The following MTAP variants were observed in gnomAD, a reference collection of about 807,000 sequenced individuals.
The protein encoded by MTAP is S-methyl-5'-thioadenosine phosphorylase.
In MTAP, 33 loss-of-function variants were observed where a neutral mutation model predicts 33.6. The ratio of observed to expected loss-of-function variants is 0.98; its 90% confidence interval spans 0.74 to 1.31. The LOEUF (loss-of-function observed/expected upper bound fraction) is 1.31, where lower values mean the gene tolerates loss of function less well. MTAP is among the 40% of genes most tolerant of loss of function. The pLI is 0.00. For missense variants in MTAP, 367 were observed against 360.0 expected (o/e 1.02, Z -0.16); for synonymous variants, 148 against 125.7 (o/e 1.18, Z -1.19).
chr9:21,869,521 A>G (rs1001877265), downstream of MTAP, among the ~76,000 whole-genome samples: 2 of 152,070 alleles, frequency 1.3e-5, no homozygotes, highest in Non-Finnish European at 2.9e-5. Flanking sequence ...TGCCTGCCCT[A>G]GAGCTCAATC....
intron 1 of MTAP, among the ~76,000 whole-genome samples, chr9:21,919,484 A>G (rs1818750880): frequency 2.0e-5 from 3 of 152,254 alleles, no homozygotes; most frequent in Admixed American, 6.5e-5. Flanking sequence ...AGGTTAAGAG[A>G]AGATATTTGT....
At chr9:21,882,525 A>G (rs1818031695) in intron 1 of MTAP, among the ~76,000 whole-genome samples, 1 of 152,100 alleles carries the variant, frequency 6.6e-6, no homozygotes. Context: ...GAAATTTACA[A>G]AAACTACAGT....
intron 1 of MTAP, chr9:21,803,034 A>ACACACACC (rs1587187341): frequency 3.9e-6 from 4 of 1,021,358 alleles, no homozygotes; most frequent in African/African-American, 1.8e-5. Flanking sequence ...ACACACACAC[A>ACACACACC]CACCACCTTT....
At chr9:21,829,797 C>G (rs1199542823) in intron 4 of MTAP, among the ~76,000 whole-genome samples, 3 of 152,194 alleles carry the variant, frequency 2.0e-5, no homozygotes, top group Non-Finnish European at 4.4e-5. Flanking sequence ...TTAAGAAAGA[C>G]ATGTGGCTGA....
intron 1 of MTAP, chr9:21,930,958 T>A: frequency 1.4e-6 from 1 of 721,824 alleles, no homozygotes; most frequent in Non-Finnish European, 2.5e-6. Context: ...TTTCAGTCCA[T>A]GTCTTCAAAA....
rs138984297 is a variant in MTAP, at chr9:21,923,002, T to C, written c.148-8006T>C. The stretch of plus-strand genomic sequence containing the variant: ...TATTCTCCTGTTTTCTCTGTGTGTG[T>C]TCTGAAACGGCCTTGTGTGCCCACC... On this transcript the variant is annotated intron_variant, in intron 1 of 1. Transcript: ENST00000577563. Among the ~76,000 whole-genome samples the C allele has an allele frequency of 8.2e-3, 1,245 of 152,352 alleles. 16 individuals are homozygous for C. The highest frequency in any genetic ancestry group is 0.039 in the South Asian group (190 of 4,828).
chr9:21,809,804 G>A (rs1824300280), intron 1 of MTAP, among the ~76,000 whole-genome samples: 2 of 152,206 alleles, frequency 1.3e-5, no homozygotes, highest in South Asian at 2.1e-4. Context: ...TAGAGAAGGG[G>A]AATGTCCTAG....
chr9:21,859,301 A>G lies in MTAP; in HGVS notation c.691-2A>G. ...TAACCTCCAGTGCTATTGTTTCTCTAGGTTTCGGTGGACCGGGTCTTAAAG... is the reference window on the plus strand; with the variant it reads ...TAACCTCCAGTGCTATTGTTTCTCTGGGTTTCGGTGGACCGGGTCTTAAAG... On this transcript the variant is annotated splice_acceptor_variant, in intron 6 of 7. Coordinates refer to ENST00000644715, the MANE Select transcript of MTAP (RefSeq NM_002451.4). LOFTEE classifies it high-confidence loss of function. 1.2e-6 allele frequency: 2 copies of G among 1,605,058 alleles called. No individual in the cohort carries two copies. Among genetic ancestry groups the G allele is most frequent in the South Asian group, 2.2e-5 (2 of 89,448 alleles).
intron 1 of MTAP, among the ~76,000 whole-genome samples, chr9:21,803,859 A>T (rs59990401): frequency 0.12 from 18,187 of 152,192 alleles, 1,873 homozygotes; most frequent in African/African-American, 0.26. Context: ...GTCAGTGTGT[A>T]ATCAGCCAGA....
At chr9:21,933,354 C>T (rs2131051959), downstream of MTAP, 1 of 152,308 alleles carries the variant, frequency 6.6e-6, no homozygotes, top group East Asian at 1.9e-4. Flanking sequence ...TGTCTCTCTG[C>T]ATCAGGAAGA....
At chr9:21,853,277 G>C (rs7030647) in intron 5 of MTAP, among the ~76,000 whole-genome samples, 321 of 151,742 alleles carry the variant, frequency 2.1e-3, no homozygotes, top group African/African-American at 7.6e-3. Flanking sequence ...GAGTGGGCTT[G>C]TTATGTCTTA....
chr9:21,893,611 A>C (rs1043288528), intron 1 of MTAP: 1 of 152,174 alleles, frequency 6.6e-6, no homozygotes, highest in African/African-American at 2.4e-5. Context: ...CTCAAAGACT[A>C]AATGAACACT....
At chr9:21,918,053 C>CATA (rs1818719048) in intron 1 of MTAP, among the ~76,000 whole-genome samples, 1 of 151,390 alleles carries the variant, frequency 6.6e-6, no homozygotes, top group Non-Finnish European at 1.5e-5. Context: ...GATGCAAAGG[C>CATA]ATAAGAGTGA....
intron 1 of MTAP, chr9:21,893,342 T>C (rs1327303732): frequency 6.6e-6 from 1 of 152,058 alleles, no homozygotes; most frequent in East Asian, 1.9e-4. Context: ...CAAGAGGATG[T>C]AGAAAAACAA....
At chr9:21,816,323 A>T (rs1322878080) in intron 2 of MTAP, among the ~76,000 whole-genome samples, 1 of 152,186 alleles carries the variant, frequency 6.6e-6, no homozygotes, top group Admixed American at 6.5e-5. Flanking sequence ...AGACATTTCC[A>T]GTGCTGAATT....
chr9:21,909,588 G>A (rs1037291800), intron 1 of MTAP, among the ~76,000 whole-genome samples: 2 of 152,200 alleles, frequency 1.3e-5, no homozygotes, highest in East Asian at 3.9e-4. Flanking sequence ...TGAATTTGTT[G>A]TGTAAGAGGC....
chr9:21,889,799 G>A (rs1167891668), intron 1 of MTAP, among the ~76,000 whole-genome samples: 1 of 152,188 alleles, frequency 6.6e-6, no homozygotes, highest in East Asian at 1.9e-4. Flanking sequence ...GGAGGTAGCA[G>A]GGGAGTGAAG....
At chr9:21,868,073 G>T (rs1056347807), downstream of MTAP, among the ~76,000 whole-genome samples, 1 of 152,146 alleles carries the variant, frequency 6.6e-6, no homozygotes, top group South Asian at 2.1e-4. Flanking sequence ...TTCCAGAAAG[G>T]TTCTGGAAAG....
intron 1 of MTAP, among the ~76,000 whole-genome samples, chr9:21,872,325 A>C (rs1825949656): frequency 6.6e-6 from 1 of 152,270 alleles, no homozygotes; most frequent in Middle Eastern, 3.4e-3. Flanking sequence ...CTCAAAACAA[A>C]CAACCACCAA....
Sources: allele counts gnomAD v4.1 joint callset (sites outside exome capture counted in the v4.1 genomes callset), GRCh38; gene constraint gnomAD v4.1.1; transcripts MANE v1.5; gene names NCBI Gene and HGNC (gene_info 2026-07-23, HGNC 2026-07-21).